The following NRCAM variants were observed in gnomAD, a reference collection of about 807,000 sequenced individuals.
NRCAM encodes NgCAM-related cell adhesion molecule.
A neutral mutation model predicts 156.5 loss-of-function variants in NRCAM; 83 were observed. That is an observed-to-expected ratio of 0.53 (90% CI 0.44 to 0.64). The LOEUF (loss-of-function observed/expected upper bound fraction) is 0.64, where lower values mean the gene tolerates loss of function less well. Among genes scored for constraint, NRCAM ranks in the 30% least tolerant of loss-of-function variants. The pLI, the probability that NRCAM is intolerant of heterozygous loss-of-function variation, is 0.00. For missense variants in NRCAM, 1,417 were observed against 1,597.3 expected (o/e 0.89, Z 1.92); for synonymous variants, 538 against 563.9 (o/e 0.95, Z 0.65).
At chr7:108,282,383 T>A (rs576302457) in intron 3 of NRCAM, among the ~76,000 whole-genome samples, 13 of 152,300 alleles carry the variant, frequency 8.5e-5, no homozygotes, top group African/African-American at 3.1e-4. Flanking sequence ...GGAGACATGA[T>A]TACCAGAAAC....
intron 3 of NRCAM, among the ~76,000 whole-genome samples, chr7:108,296,803 T>A (rs543785313): frequency 2.6e-4 from 39 of 152,248 alleles, no homozygotes; most frequent in African/African-American, 9.2e-4. Context: ...GCAAATTAAA[T>A]TAATTATTAA....
chr7:108,190,577 C>A (rs2070679410), intron 19 of NRCAM, among the ~76,000 whole-genome samples: 1 of 152,066 alleles, frequency 6.6e-6, no homozygotes, highest in South Asian at 2.1e-4. Flanking sequence ...GCAAAATCAG[C>A]TGAGATGCCA....
At chr7:108,305,430 TG>T (rs1234272942) in intron 3 of NRCAM, among the ~76,000 whole-genome samples, 1 of 152,210 alleles carries the variant, frequency 6.6e-6, no homozygotes. Flanking sequence ...TTTTGTTTTT[TG>T]TTTTTTGCCC....
intron 30 of NRCAM, among the ~76,000 whole-genome samples, chr7:108,163,038 C>T (rs1391447682): frequency 6.6e-6 from 1 of 151,928 alleles, no homozygotes; most frequent in Non-Finnish European, 1.5e-5. Flanking sequence ...CACACATATA[C>T]CCCACAGAGA....
chr7:108,318,638 G>A (rs2098961601), intron 2 of NRCAM, among the ~76,000 whole-genome samples: 1 of 152,308 alleles, frequency 6.6e-6, no homozygotes, highest in Non-Finnish European at 1.5e-5. Context: ...ATGAGTCTGT[G>A]TGTGTATGAG....
intron 1 of NRCAM, among the ~76,000 whole-genome samples, chr7:108,410,679 C>T (rs1270381131): frequency 6.6e-6 from 1 of 152,152 alleles, no homozygotes; most frequent in Non-Finnish European, 1.5e-5. Context: ...TGTCCAAGGA[C>T]AAAACAGGTC....
In NRCAM at chr7:108,177,284, C is replaced by T. The variant is rs139954748; in HGVS notation, c.2975-678G>A. ...GAAGTAAAAAGTAGAACACAGCATC[C>T]CAGAAATAAAGGAAGGACAGAGGGA... is the stretch of plus-strand genomic sequence containing the variant. On this transcript the variant is annotated intron_variant, in intron 26 of 32. Coordinates refer to ENST00000379028, the MANE Select transcript of NRCAM (RefSeq NM_001037132.4). 3.0e-3 allele frequency among the ~76,000 whole-genome samples: 462 copies of T among 151,988 alleles called. 1 individual carries two copies. The highest frequency in any genetic ancestry group is 0.011 in the African/African-American group (440 of 41,422).
Position 108,294,458 on chromosome 7 carries a change from C to T in NRCAM, c.-107+18207G>A, listed in dbSNP as rs148255468. Among the ~76,000 whole-genome samples, 479 of 152,116 alleles carry T rather than the reference C, an allele frequency of 3.1e-3. 2 individuals carry two copies. The highest frequency in any genetic ancestry group is 0.011 in the African/African-American group (454 of 41,488). On this transcript the variant is annotated intron_variant, in intron 3 of 32. Coordinates refer to ENST00000379028, the MANE Select transcript of NRCAM (RefSeq NM_001037132.4). ...AATTCCTAAAGTGGCTTCCATTTTC[C>T]TGCTGAATGTTGCTTTGCACCCAGA...
intron 2 of NRCAM, among the ~76,000 whole-genome samples, chr7:108,317,270 A>C (rs2098937982): frequency 6.6e-6 from 1 of 152,232 alleles, no homozygotes; most frequent in Non-Finnish European, 1.5e-5. Flanking sequence ...CTGTGAACAT[A>C]ATAGAAACTT....
chr7:108,167,482 C>A (rs747080539), intron 29 of NRCAM, among the ~76,000 whole-genome samples: 2 of 152,158 alleles, frequency 1.3e-5, no homozygotes, highest in Non-Finnish European at 2.9e-5. Flanking sequence ...CAAGATGAAT[C>A]TTTTAGTAAA....
chr7:108,341,126 T>TC (rs1414963967), intron 2 of NRCAM, among the ~76,000 whole-genome samples: 1 of 152,100 alleles, frequency 6.6e-6, no homozygotes, highest in African/African-American at 2.4e-5. Context: ...AGCCACCCCC[T>TC]CATCCATGCC....
At chr7:108,334,846 G>A (rs2099162793) in intron 2 of NRCAM, among the ~76,000 whole-genome samples, 2 of 152,128 alleles carry the variant, frequency 1.3e-5, no homozygotes, top group African/African-American at 4.8e-5. Flanking sequence ...AAAATGGTAT[G>A]CCCTGATATA....
At chr7:108,252,137 G>A (rs1401372085) in intron 3 of NRCAM, among the ~76,000 whole-genome samples, 2 of 152,120 alleles carry the variant, frequency 1.3e-5, no homozygotes, top group Non-Finnish European at 2.9e-5. Context: ...CATTAGAGCT[G>A]GATAGAATAA....
intron 30 of NRCAM, among the ~76,000 whole-genome samples, chr7:108,166,309 G>A (rs536566381): frequency 1.1e-4 from 17 of 149,374 alleles, no homozygotes; most frequent in East Asian, 3.9e-4. Context: ...GAGCAATGGC[G>A]CAATCTTGGC....
intron 3 of NRCAM, among the ~76,000 whole-genome samples, chr7:108,255,850 C>T (rs534396390): frequency 0.054 from 7,230 of 132,724 alleles, 160 homozygotes; most frequent in Middle Eastern, 0.088. Context: ...CCCCTCCGCC[C>T]GGCAGCCGCC....
chr7:108,195,804 G>A lies in NRCAM; in HGVS notation c.1420C>T (p.Leu474=), dbSNP rs1278813928. The A allele has an allele frequency of 3.1e-6, 5 of 1,613,492 alleles. No individual in the cohort carries two copies. The highest frequency in any genetic ancestry group is 1.3e-5 in the African/African-American group (1 of 74,908). The part of the protein sequence containing the change: ...YQVIANRPAL[L]DCAFFGSPLP... Reference sequence around the variant, plus strand: ...GGAGACCCAAAGAAGGCACAGTCTAGTAAAGCAGGCCTGTTTGCAATGACC... The same window carrying A: ...GGAGACCCAAAGAAGGCACAGTCTAATAAAGCAGGCCTGTTTGCAATGACC... The change falls in exon 15 of 33, where the codon CTA becomes TTA. Residue 474 remains leucine (L), a synonymous_variant. Coordinates refer to ENST00000379028, the MANE Select transcript of NRCAM (RefSeq NM_001037132.4).
chr7:108,149,945 G>A lies in NRCAM; in HGVS notation c.3880C>T (p.Pro1294Ser). The change falls in exon 33 of 33, where the codon CCT becomes TCT. Residue 1294 changes from proline (P) to serine (S), a missense_variant. By Grantham distance (74) the Pro-to-Ser change is moderately conservative (BLOSUM62 -1). Transcript: ENST00000379028. ...PAEGNESSEA[P>S]SPVNAMNSFV ...GAATTCATGGCGTTGACAGGAGAAG[G>A]TGCCTCTGAGCTTTCGTTTCCTTCA... The A allele has an allele frequency of 1.2e-6, 2 of 1,612,826 alleles. No homozygotes were observed. The highest frequency in any genetic ancestry group is 1.7e-6 in the Non-Finnish European group (2 of 1,179,678).
chr7:108,418,597 ACACG>A (rs1029350098), intron 1 of NRCAM, among the ~76,000 whole-genome samples: 12 of 149,114 alleles, frequency 8.0e-5, no homozygotes, highest in Admixed American at 2.7e-4. Flanking sequence ...ACACACACAC[ACACG>A]CACTGAAAGT....
At chr7:108,364,203 A>G (rs1252609740) in intron 2 of NRCAM, among the ~76,000 whole-genome samples, 1 of 152,224 alleles carries the variant, frequency 6.6e-6, no homozygotes, top group Non-Finnish European at 1.5e-5. Flanking sequence ...AAGGATTTGA[A>G]CAGACGTTTC....
Sources: gnomAD v4.1 joint callset for allele counts (sites outside exome capture counted in the v4.1 genomes callset) on GRCh38, gnomAD v4.1.1 for gene constraint, MANE v1.5 for transcripts, NCBI Gene and HGNC (gene_info 2026-07-23, HGNC 2026-07-21) for gene names.